UTP25: variants seen among roughly 807,000 people sequenced by gnomAD.
UTP25 encodes the protein U3 small nucleolar RNA-associated protein 25 homolog.
UTP25 carries 50 observed loss-of-function variants against 78.9 expected under a neutral mutation model. The observed-to-expected ratio is 0.63, with a 90% confidence interval of 0.50 to 0.80. The LOEUF is 0.80. Among genes scored for constraint, UTP25 ranks in the 30% least tolerant of loss-of-function variants. The probability of loss-of-function intolerance (pLI) is 0.00; values close to 1 mark genes in which losing one functional copy is unlikely to be tolerated. For synonymous variants in UTP25, 329 were observed against 336.5 expected, an observed-to-expected ratio of 0.98 and a Z score of 0.24; for missense variants, 846 against 911.3, an observed-to-expected ratio of 0.93 and a Z score of 0.92.
rs1177195910 is a variant in UTP25 at position 209,843,512 on chromosome 1, C to T, written c.1843C>T (p.Leu615Phe). The stretch of plus-strand genomic sequence containing the variant: ...TCGTGATGCAGTCATGTCTCACACG[C>T]TCATCTATATCCCCTCCTACTTTGA... Reference protein sequence around the residue: ...QYRDAVMSHTLIYIPSYFDFV... With the variant: ...QYRDAVMSHTFIYIPSYFDFV... Residue 615 changes from leucine to phenylalanine, a missense_variant, in exon 11 of 12, where the codon CTC becomes TTC. Coordinates refer to ENST00000491415, the MANE Select transcript of UTP25 (RefSeq NM_014388.7). The T allele has an allele frequency of 5.0e-6, 8 of 1,614,058 alleles. No individual in the cohort carries two copies. In the African/African-American group the frequency reaches 5.3e-5, roughly 11 times the overall value.
At chr1:209,842,987 CT>C (rs1334512548) in intron 10 of UTP25, 1 of 382,144 alleles carries the variant, frequency 2.6e-6, no homozygotes, top group Non-Finnish European at 4.7e-6. Context: ...TACAAAGTGT[CT>C]CATGTCAGCA....
intron 11 of UTP25, among the ~76,000 whole-genome samples, chr1:209,846,153 G>A (rs2357230): frequency 0.15 from 22,822 of 151,982 alleles, 1,815 homozygotes; most frequent in South Asian, 0.21. Flanking sequence ...CACCGTGCCC[G>A]GCCAGAAAAT....
intron 2 of UTP25, among the ~76,000 whole-genome samples, chr1:209,830,460 A>C (rs1336855459): frequency 1.3e-5 from 2 of 151,688 alleles, no homozygotes; most frequent in East Asian, 3.9e-4. Flanking sequence ...TCACAAATAC[A>C]GTGCAAAATG....
chr1:209,842,142 G>A, intron 8 of UTP25, 123 bp from the exon 9 acceptor site: 1 of 1,048,140 alleles, frequency 9.5e-7, no homozygotes, highest in Non-Finnish European at 1.4e-6. Context: ...GTGAGCCTCA[G>A]TTTTCTTGTT....
chr1:209,834,986 A>G, intron 4 of UTP25, 89 bp from the exon 5 acceptor site: 1 of 1,011,208 alleles, frequency 9.9e-7, no homozygotes, highest in Non-Finnish European at 1.5e-6. Context: ...GAGTTAACAC[A>G]ATGAAGATCA....
At chr1:209,839,820 C>T (rs1458022501) in intron 7 of UTP25, among the ~76,000 whole-genome samples, 5 of 152,130 alleles carry the variant, frequency 3.3e-5, no homozygotes, top group Non-Finnish European at 7.3e-5. Flanking sequence ...ATCCAGCCTA[C>T]GACAGAGCAG....
At position 209,831,418 on chromosome 1, in the gene UTP25, T is replaced by A. The variant is rs115346419; in HGVS notation, c.388+375T>A. 3.2e-3 allele frequency among the ~76,000 whole-genome samples: 493 copies of A among 152,264 alleles called. 2 individuals are homozygous for A. Among genetic ancestry groups the A allele is most frequent in the African/African-American group, 0.011 (462 of 41,538 alleles). The stretch of plus-strand genomic sequence containing the variant: ...GATAGACATAAATATATATAAAAAA[T>A]TTCAAACAGTAGATTTGCGATTGCA... On this transcript the variant is annotated intron_variant, in intron 3 of 11. Coordinates refer to ENST00000491415, the MANE Select transcript of UTP25 (RefSeq NM_014388.7).
chr1:209,838,477 T>C (rs1197161674), intron 6 of UTP25, among the ~76,000 whole-genome samples: 2 of 152,238 alleles, frequency 1.3e-5, no homozygotes, highest in Non-Finnish European at 2.9e-5. Context: ...CTTCTCTACT[T>C]GTTCCATTTA....
At chr1:209,837,541 G>A (rs2078140503) in intron 6 of UTP25, among the ~76,000 whole-genome samples, 1 of 152,106 alleles carries the variant, frequency 6.6e-6, no homozygotes, top group Non-Finnish European at 1.5e-5. Flanking sequence ...ACCTTAATGA[G>A]CCTTTTATCC....
intron 7 of UTP25, 117 bp from the exon 8 acceptor site, chr1:209,840,736 C>A: frequency 1.0e-6 from 1 of 957,220 alleles, no homozygotes; most frequent in Non-Finnish European, 1.7e-6. Flanking sequence ...CAGTTACATG[C>A]TAAGAGGAAC....
intron 1 of UTP25, among the ~76,000 whole-genome samples, chr1:209,828,593 G>A (rs2078084115): frequency 6.7e-6 from 1 of 149,636 alleles, no homozygotes; most frequent in Non-Finnish European, 1.5e-5. Context: ...TAGTAGAGAT[G>A]GGGTTTCACC....
Position 209,851,531 on chromosome 1 carries a change from A to G in UTP25, c.*84A>G. The G allele has an allele frequency of 1.3e-6, 2 of 1,490,494 alleles. No homozygotes were observed. The highest frequency in any genetic ancestry group is 1.8e-6 in the Non-Finnish European group (2 of 1,113,310). 92.3% of individuals were successfully genotyped at this position (1,490,494 alleles called of 1,614,324 possible). A position where few individuals can be genotyped will look rare whatever the true frequency, so the allele number is the denominator to read the frequency against. Reference sequence around the variant, plus strand: ...TTTGGACCCAATTCTGATTACTTACAGAAGAAGGACTGATACAAAGAAAGT... The same window carrying G: ...TTTGGACCCAATTCTGATTACTTACGGAAGAAGGACTGATACAAAGAAAGT... On this transcript the variant is annotated 3_prime_UTR_variant, in exon 12 of 12. Transcript: ENST00000491415.
chr1:209,837,262 G>A (rs1275000016), intron 6 of UTP25, 51 bp downstream of exon 6: 2 of 1,555,202 alleles, frequency 1.3e-6, no homozygotes, highest in East Asian at 2.3e-5. Context: ...GCAAGGCACT[G>A]CCATAGAGGT....
rs560232798 is a variant in UTP25 at position 209,855,212 on chromosome 1, A to C, written c.*3765A>C. The C allele has an allele frequency of 1.2e-4, 18 of 152,316 alleles. No individual in the cohort carries two copies. Among genetic ancestry groups the C allele is most frequent in the Non-Finnish European group, 1.9e-4 (13 of 68,026 alleles). The allele number at this position is 152,316 out of a possible 1,614,324, so 9.4% of individuals were successfully genotyped here. On this transcript the variant is annotated 3_prime_UTR_variant, in exon 12 of 12. Coordinates refer to ENST00000491415, the MANE Select transcript of UTP25 (RefSeq NM_014388.7). ...TCCTATGCCACGTGCTCTCACCAGA[A>C]CTGCAGCAAAACTGCATTTTATGTC...
chr1:209,831,019 G>A lies in UTP25; in HGVS notation c.364G>A (p.Ala122Thr), dbSNP rs773066860. The A allele has an allele frequency of 1.2e-6, 2 of 1,614,114 alleles. No individual in the cohort carries two copies. Among genetic ancestry groups the A allele is most frequent in the Admixed American group, 3.3e-5 (2 of 60,024 alleles). The change falls in exon 3 of 12, where the codon GCA (alanine) becomes ACA (threonine). Residue 122 changes from alanine (A) to threonine (T), a missense_variant. Transcript: ENST00000491415. ...SDVSVEEEMA[A>T]ESTESPENVA... ...TGTCAGTGTGGAAGAAGAGATGGCTGCAGAGTCTACTGAAAGTCCAGAGAG... is the reference window on the plus strand; with the variant it reads ...TGTCAGTGTGGAAGAAGAGATGGCTACAGAGTCTACTGAAAGTCCAGAGAG...
Position 209,841,002 on chromosome 1 carries a change from C to T in UTP25, c.1432C>T (p.Leu478Phe). Residue 478 changes from leucine (L) to phenylalanine (F), a missense_variant, in exon 8 of 12, where the codon CTC (leucine) becomes TTC (phenylalanine). Transcript: ENST00000491415. Reference sequence around the variant, plus strand: ...TGACTTTCTGTCTTCTATCGAGCTTCTCATCATTGATCAAGCTGACATTTA... The same window carrying T: ...TGACTTTCTGTCTTCTATCGAGCTTTTCATCATTGATCAAGCTGACATTTA... The part of the protein sequence containing the change: ...DFDFLSSIEL[L>F]IIDQADIYLM... The T allele has an allele frequency of 1.2e-6, 2 of 1,614,072 alleles. No individual in the cohort carries two copies. Among genetic ancestry groups the T allele is most frequent in the Non-Finnish European group, 1.7e-6 (2 of 1,179,952 alleles).
In UTP25 at chr1:209,846,705, A is replaced by C. The variant is rs1279906923; in HGVS notation, c.2027+3009A>C. On this transcript the variant is annotated intron_variant, in intron 11 of 11. Coordinates refer to ENST00000491415, the MANE Select transcript of UTP25 (RefSeq NM_014388.7). ...AGCATATATAAGGGAGGAGGAAGGC[A>C]GGGTAAGGGGTGCTCAAGCTATGGA... 2.6e-5 allele frequency among the ~76,000 whole-genome samples: 4 copies of C among 152,342 alleles called. No individual in the cohort carries two copies. The East Asian group carries it at 5.8e-4, about 22-fold the overall frequency.
intron 4 of UTP25, among the ~76,000 whole-genome samples, chr1:209,834,346 G>A (rs146298678): frequency 3.3e-4 from 51 of 152,306 alleles, no homozygotes; most frequent in African/African-American, 1.2e-3. Flanking sequence ...TCTTATGAGT[G>A]GGACTGGGAG....
At chr1:209,845,330 G>A (rs747653244) in intron 11 of UTP25, among the ~76,000 whole-genome samples, 1 of 152,190 alleles carries the variant, frequency 6.6e-6, no homozygotes, top group Non-Finnish European at 1.5e-5. Context: ...ATTCATGTTG[G>A]AAAGTATTTG....
Sources: gnomAD v4.1 joint callset for allele counts (sites outside exome capture counted in the v4.1 genomes callset) on GRCh38, gnomAD v4.1.1 for gene constraint, MANE v1.5 for transcripts, NCBI Gene and HGNC (gene_info 2026-07-23, HGNC 2026-07-21) for gene names.